Variants in LTBP1 observed in about 807,000 individuals in gnomAD.
LTBP1 encodes the protein latent-transforming growth factor beta-binding protein 1.
Under a neutral mutation model 207.6 loss-of-function variants are expected in LTBP1, and 129 were observed. That is an observed-to-expected ratio of 0.62 (90% CI 0.54 to 0.72). LTBP1 has a LOEUF of 0.72. Among genes scored for constraint, LTBP1 ranks in the 30% least tolerant of loss-of-function variants. The pLI is 0.00. For missense variants in LTBP1, 2,281 were observed against 2,217.2 expected (o/e 1.03, Z -0.58); for synonymous variants, 963 against 833.7 (o/e 1.16, Z -2.67).
intron 3 of LTBP1, among the ~76,000 whole-genome samples, chr2:33,084,916 C>A (rs2078662623): frequency 6.6e-6 from 1 of 152,184 alleles, no homozygotes; most frequent in Non-Finnish European, 1.5e-5. Flanking sequence ...TGATAACCCT[C>A]ATCCCCCAAA....
Position 33,342,945 on chromosome 2 carries a change from G to C in LTBP1, c.3838G>C (p.Asp1280His), listed in dbSNP as rs140281612. The C allele has an allele frequency of 1.2e-6, 2 of 1,613,680 alleles. No homozygotes were observed. The highest frequency in any genetic ancestry group is 2.7e-5 in the African/African-American group (2 of 74,930). The change falls in exon 25 of 34, where the codon GAT (aspartate) becomes CAT (histidine). Residue 1280 changes from aspartate to histidine, a missense_variant. By Grantham distance (81) the Asp-to-His change is moderately conservative. Coordinates refer to ENST00000404816, the MANE Select transcript of LTBP1 (RefSeq NM_206943.4). Reference protein sequence around the residue: ...LCYQGFQAPQDGQGCVDVNEC... With the variant: ...LCYQGFQAPQHGQGCVDVNEC... ...TTATCAGGGCTTTCAAGCCCCACAG[G>C]ATGGGCAAGGGTGTGTGGGTGAGTT...
At chr2:33,024,695 A>G (rs2075331032) in intron 3 of LTBP1, among the ~76,000 whole-genome samples, 1 of 152,164 alleles carries the variant, frequency 6.6e-6, no homozygotes, top group Admixed American at 6.5e-5. Context: ...GTGTCTGTGA[A>G]AAGATGGTTG....
intron 3 of LTBP1, among the ~76,000 whole-genome samples, chr2:33,042,080 A>G (rs2076214658): frequency 6.6e-6 from 1 of 151,884 alleles, no homozygotes; most frequent in Non-Finnish European, 1.5e-5. Flanking sequence ...TTTAATGTGA[A>G]TTTTTCTAGT....
At chr2:33,022,116 G>A (rs1273843177) in intron 3 of LTBP1, among the ~76,000 whole-genome samples, 2 of 152,054 alleles carry the variant, frequency 1.3e-5, no homozygotes, top group Non-Finnish European at 2.9e-5. Context: ...GCTTCCATAT[G>A]GTGATTAGTA....
At chr2:33,397,636 T>C (rs2095371372) in intron 33 of LTBP1, among the ~76,000 whole-genome samples, 1 of 150,472 alleles carries the variant, frequency 6.6e-6, no homozygotes, top group Non-Finnish European at 1.5e-5. Context: ...GCCTCCTGAG[T>C]AGCTGGGACT....
At chr2:33,205,538 G>T (rs1339278213) in intron 7 of LTBP1, among the ~76,000 whole-genome samples, 6 of 152,198 alleles carry the variant, frequency 3.9e-5, no homozygotes, top group African/African-American at 1.4e-4. Flanking sequence ...AGGGACTTGG[G>T]TTGATAGTGG....
intron 1 of LTBP1, 77 bp from the exon 2 acceptor site, chr2:32,948,798 T>A: frequency 7.3e-7 from 1 of 1,374,174 alleles, no homozygotes; most frequent in African/African-American, 1.4e-5. Context: ...CTGGCCTTTC[T>A]GGAACATGCT....
chr2:33,147,097 C>G (rs190804138), intron 5 of LTBP1, among the ~76,000 whole-genome samples: 1 of 152,264 alleles, frequency 6.6e-6, no homozygotes, highest in African/African-American at 2.4e-5. Flanking sequence ...TCTTCAATCC[C>G]TAAATCAGAG....
chr2:33,140,125 C>T (rs990773906), intron 5 of LTBP1, among the ~76,000 whole-genome samples: 5 of 152,164 alleles, frequency 3.3e-5, no homozygotes, highest in African/African-American at 9.7e-5. Context: ...CACTGAAAAT[C>T]GCCTTGGAGA....
chr2:33,202,222 C>G (rs1172229880), intron 7 of LTBP1, among the ~76,000 whole-genome samples: 1 of 152,110 alleles, frequency 6.6e-6, no homozygotes, highest in Non-Finnish European at 1.5e-5. Flanking sequence ...AGTTTCAATA[C>G]TTTTGTCACA....
chr2:33,175,256 C>G (rs1156339215), intron 5 of LTBP1, among the ~76,000 whole-genome samples: 1 of 151,656 alleles, frequency 6.6e-6, no homozygotes, highest in East Asian at 1.9e-4. Context: ...GCAACCTACT[C>G]ATCTGACAAA....
chr2:33,012,590 T>C (rs985225193), intron 2 of LTBP1, among the ~76,000 whole-genome samples: 12 of 152,260 alleles, frequency 7.9e-5, no homozygotes, highest in Non-Finnish European at 1.8e-4. Context: ...CTTGTGTCTT[T>C]CCTATTGGAC....
intron 2 of LTBP1, among the ~76,000 whole-genome samples, chr2:32,993,366 G>GA (rs966493258): frequency 2.0e-5 from 3 of 151,988 alleles, no homozygotes; most frequent in Non-Finnish European, 4.4e-5. Context: ...GAGTTCTCAG[G>GA]AAAAAACGGA....
rs554248517 is a variant in LTBP1 at position 33,048,880 on chromosome 2, G to A, written c.863+27674G>A. Among the ~76,000 whole-genome samples, 7 of 152,248 alleles carry A rather than the reference G, an allele frequency of 4.6e-5. No homozygotes were observed. The East Asian group carries it at 1.2e-3, about 25-fold the overall frequency. On this transcript the variant is annotated intron_variant, in intron 3 of 33. Coordinates refer to ENST00000404816, the MANE Select transcript of LTBP1 (RefSeq NM_206943.4). ...AATGAGCAGATATCTTAAAGGAACT[G>A]TTGAATGTGAGTTAAGAATGTTTTT...
At chr2:33,033,702 T>G (rs1222636438) in intron 3 of LTBP1, among the ~76,000 whole-genome samples, 2 of 151,992 alleles carry the variant, frequency 1.3e-5, no homozygotes, top group Non-Finnish European at 2.9e-5. Context: ...TTCTTTTGTA[T>G]GGAGACGCTG....
chr2:33,364,209 T>C lies in LTBP1; in HGVS notation c.4400-7T>C, dbSNP rs1346026861. On this transcript the variant is annotated splice_region_variant and splice_polypyrimidine_tract_variant and intron_variant, in intron 29 of 33. Coordinates refer to ENST00000404816, the MANE Select transcript of LTBP1 (RefSeq NM_206943.4). ...TTTCTTTAGTAATACTTTTTTTTGCTCTTAAGATATGGATGAATGTCAAGA... is the reference window on the plus strand; with the variant it reads ...TTTCTTTAGTAATACTTTTTTTTGCCCTTAAGATATGGATGAATGTCAAGA... 1.9e-6 allele frequency: 3 copies of C among 1,611,194 alleles called. No individual in the cohort carries two copies. The highest frequency in any genetic ancestry group is 1.1e-5 in the South Asian group (1 of 90,202).
At chr2:33,018,895 C>A (rs1445654790) in intron 2 of LTBP1, among the ~76,000 whole-genome samples, 1 of 151,934 alleles carries the variant, frequency 6.6e-6, no homozygotes. Flanking sequence ...GAGAATCCTT[C>A]CCAACTTTCT....
In LTBP1 at chr2:33,055,473, A is replaced by C. The variant is rs190835930; in HGVS notation, c.863+34267A>C. On this transcript the variant is annotated intron_variant, in intron 3 of 33. Coordinates refer to ENST00000404816, the MANE Select transcript of LTBP1 (RefSeq NM_206943.4). ...AACTCCAGTCCCCATGATCTGAGTC[A>C]AGGTCCCAGTGGGGATCCATACTGG... 3.1e-4 allele frequency among the ~76,000 whole-genome samples: 47 copies of C among 152,326 alleles called. No individual in the cohort carries two copies. In the East Asian group the frequency reaches 5.2e-3, roughly 17 times the overall value.
At chr2:32,948,149 T>C (rs1304915245) in intron 1 of LTBP1, among the ~76,000 whole-genome samples, 2 of 152,252 alleles carry the variant, frequency 1.3e-5, no homozygotes, top group Non-Finnish European at 2.9e-5. Flanking sequence ...CACTACAGTT[T>C]AATCCCTCAG....
Sources: allele counts gnomAD v4.1 joint callset (sites outside exome capture counted in the v4.1 genomes callset), GRCh38; gene constraint gnomAD v4.1.1; transcripts MANE v1.5; gene names NCBI Gene and HGNC (gene_info 2026-07-23, HGNC 2026-07-21).